Variants in RDH10 observed in about 807,000 individuals in gnomAD.
The protein encoded by RDH10 is retinol dehydrogenase 10, also known as retinol dehydrogenase 10 (all-trans).
RDH10 carries 12 observed loss-of-function variants against 30.2 expected under a neutral mutation model. That is an observed-to-expected ratio of 0.40 (90% CI 0.25 to 0.64). The LOEUF (loss-of-function observed/expected upper bound fraction) is 0.64, where lower values mean the gene tolerates loss of function less well. RDH10 is among the 30% of genes least tolerant of loss of function. The pLI is 0.43. For missense variants in RDH10, 268 were observed against 445.2 expected (o/e 0.60, Z 3.58); for synonymous variants, 189 against 172.2 (o/e 1.10, Z -0.76).
At chr8:73,312,390 C>T (rs1048992595) in intron 2 of RDH10, 1 of 152,204 alleles carries the variant, frequency 6.6e-6, no homozygotes, top group African/African-American at 2.4e-5. Context: ...TGAGCAACAT[C>T]AGCAGTTAGT....
At chr8:73,315,829 T>C (rs4738319) in intron 2 of RDH10, among the ~76,000 whole-genome samples, 120,455 of 152,220 alleles carry the variant, frequency 0.79, 47,734 homozygotes, top group South Asian at 0.92. Flanking sequence ...TTAACTTTTA[T>C]ACAGAAAGAT....
At chr8:73,297,798 T>G (rs778126737) in intron 2 of RDH10, 1 of 224,604 alleles carries the variant, frequency 4.5e-6, no homozygotes, top group Non-Finnish European at 9.1e-6. Context: ...GATTTAGGCT[T>G]CCAAATTACT....
At chr8:73,322,275 T>C (rs565736454) in intron 4 of RDH10, 10 of 317,454 alleles carry the variant, frequency 3.2e-5, no homozygotes, top group South Asian at 2.8e-4. Flanking sequence ...CCTTTCACTT[T>C]GAAAGCTTAC....
At chr8:73,301,996 A>G (rs2130359646) in intron 2 of RDH10, among the ~76,000 whole-genome samples, 1 of 152,310 alleles carries the variant, frequency 6.6e-6, no homozygotes, top group Middle Eastern at 3.4e-3. Flanking sequence ...TGAAGCTCAC[A>G]ATGAATGTGT....
At position 73,319,207 on chromosome 8, in the gene RDH10, T is replaced by C. The variant is rs372569403; in HGVS notation, c.624+13T>C. The C allele has an allele frequency of 1.8e-5, 28 of 1,572,404 alleles. No homozygotes were observed. The South Asian group carries it at 2.8e-4, about 16-fold the overall frequency. On this transcript the variant is annotated intron_variant, in intron 3 of 5. Coordinates refer to ENST00000240285, the MANE Select transcript of RDH10 (RefSeq NM_172037.5). The stretch of plus-strand genomic sequence containing the variant: ...TGCCGGAGTTGAGGTTTGTCAGATA[T>C]ATAGCATTTCTTTCGTTCAATCTGT...
intron 4 of RDH10, among the ~76,000 whole-genome samples, chr8:73,321,531 A>G (rs1814769116): frequency 6.6e-6 from 1 of 152,168 alleles, no homozygotes; most frequent in African/African-American, 2.4e-5. Context: ...AGATTTGGAA[A>G]CTTCCTTTTT....
chr8:73,298,748 G>T (rs370293756), intron 2 of RDH10, among the ~76,000 whole-genome samples: 2 of 152,032 alleles, frequency 1.3e-5, no homozygotes, highest in East Asian at 3.9e-4. Context: ...GGCTGGTTGC[G>T]AACTCCTGAG....
intron 2 of RDH10, among the ~76,000 whole-genome samples, chr8:73,302,703 AAT>A (rs777983725): frequency 6.6e-6 from 1 of 152,140 alleles, no homozygotes; most frequent in Non-Finnish European, 1.5e-5. Context: ...GGAAAAGAAA[AAT>A]ATCTCTCTGT....
At chr8:73,316,177 C>T (rs547313053) in intron 2 of RDH10, among the ~76,000 whole-genome samples, 87 of 152,092 alleles carry the variant, frequency 5.7e-4, no homozygotes, top group African/African-American at 1.4e-3. Context: ...CCACTATGCC[C>T]GGCTAATTTT....
At chr8:73,314,726 A>G (rs1463248392) in intron 2 of RDH10, among the ~76,000 whole-genome samples, 1 of 152,188 alleles carries the variant, frequency 6.6e-6, no homozygotes, top group Non-Finnish European at 1.5e-5. Flanking sequence ...CCCTCCGCGC[A>G]GCTCTTTGGT....
At chr8:73,299,173 A>T (rs145781293) in intron 2 of RDH10, among the ~76,000 whole-genome samples, 15 of 152,234 alleles carry the variant, frequency 9.9e-5, no homozygotes, top group African/African-American at 3.6e-4. Context: ...AAATGACCTG[A>T]GCTTATATAT....
intron 2 of RDH10, chr8:73,297,987 T>C (rs953126512): frequency 6.1e-6 from 1 of 162,726 alleles, no homozygotes; most frequent in Admixed American, 5.6e-5. Context: ...CTCGCAAATA[T>C]CACCCTAATA....
At position 73,295,461 on chromosome 8, in the gene RDH10, C is replaced by T; in HGVS notation, c.172C>T (p.Arg58Trp). 3.9e-6 allele frequency: 6 copies of T among 1,551,182 alleles called. No homozygotes were observed. Among genetic ancestry groups the T allele is most frequent in the Non-Finnish European group, 5.2e-6 (6 of 1,148,726 alleles). ...LGRLFALEFA[R>W]RRALLVLWDI... ...CCGCCTCTTCGCGCTGGAGTTCGCC[C>T]GGCGTCGGGCGCTGCTGGTGCTGTG... is the stretch of plus-strand genomic sequence containing the variant. Residue 58 changes from arginine (R) to tryptophan (W), a missense_variant, in exon 1 of 6, where the codon CGG becomes TGG. Coordinates refer to ENST00000240285, the MANE Select transcript of RDH10 (RefSeq NM_172037.5).
At chr8:73,297,086 A>G (rs1275728107) in intron 1 of RDH10, 108 bp from the exon 2 acceptor site, 12 of 696,146 alleles carry the variant, frequency 1.7e-5, no homozygotes, top group South Asian at 6.6e-5. Flanking sequence ...AGCTCACTGT[A>G]GTATTTTTGT....
At chr8:73,301,199 C>A (rs903120854) in intron 2 of RDH10, among the ~76,000 whole-genome samples, 2 of 149,380 alleles carry the variant, frequency 1.3e-5, no homozygotes, top group Admixed American at 6.7e-5. Flanking sequence ...TACAGGCGCC[C>A]GCTACCACGC....
rs554580889 is a variant in RDH10, at chr8:73,295,664, CT to C, written c.289+87del. ...CACGGCAGGCCCCAAACCCCGCTGC[CT>C]GGTCAGCCCCGCTGTGGAGGAAAGG... On this transcript the variant is annotated intron_variant, in intron 1 of 5. Transcript: ENST00000240285. The C allele has an allele frequency of 6.9e-4, 884 of 1,287,298 alleles. 5 individuals carry two copies. The African/African-American group carries it at 0.012, about 18-fold the overall frequency. 79.7% of individuals were successfully genotyped at this position (1,287,298 alleles called of 1,614,324 possible).
intron 2 of RDH10, among the ~76,000 whole-genome samples, chr8:73,302,014 A>G (rs1414688899): frequency 1.3e-5 from 2 of 152,168 alleles, no homozygotes; most frequent in Non-Finnish European, 2.9e-5. Flanking sequence ...TGTAACAGCC[A>G]TTCATATTTA....
At chr8:73,303,145 T>C (rs897805024) in intron 2 of RDH10, among the ~76,000 whole-genome samples, 1 of 152,212 alleles carries the variant, frequency 6.6e-6, no homozygotes, top group South Asian at 2.1e-4. Context: ...TATCCAAATG[T>C]CTAAAGTCTA....
intron 4 of RDH10, chr8:73,321,638 G>C (rs1428029964): frequency 8.3e-6 from 3 of 359,380 alleles, no homozygotes; most frequent in African/African-American, 6.4e-5. Flanking sequence ...ACATAGAAAG[G>C]AGGTATATGG....
Sources: gnomAD v4.1 joint callset for allele counts (sites outside exome capture counted in the v4.1 genomes callset) on GRCh38, gnomAD v4.1.1 for gene constraint, MANE v1.5 for transcripts, NCBI Gene and HGNC (gene_info 2026-07-23, HGNC 2026-07-21) for gene names.